ADAMTS16: variants seen among roughly 807,000 people sequenced by gnomAD.
ADAMTS16 encodes A disintegrin and metalloproteinase with thrombospondin motifs 16.
In ADAMTS16, 94 loss-of-function variants were observed where a neutral mutation model predicts 145.8. The ratio of observed to expected loss-of-function variants is 0.64; its 90% CI spans 0.55 to 0.77. The LOEUF (loss-of-function observed/expected upper bound fraction) is 0.77. ADAMTS16 is among the 30% of genes least tolerant of loss of function. The pLI, the probability that ADAMTS16 is intolerant of heterozygous loss-of-function variation, is 0.00. For missense variants in ADAMTS16, 1,585 were observed against 1,591.5 expected (o/e 1.00, Z 0.07); for synonymous variants, 659 against 604.3 (o/e 1.09, Z -1.33).
At chr5:5,182,004 G>C (rs1735351185) in intron 3 of ADAMTS16, 40 bp from the exon 4 acceptor site, 2 of 1,571,310 alleles carry the variant, frequency 1.3e-6, no homozygotes, top group South Asian at 2.4e-5. Context: ...CAACCAGAAA[G>C]TCTAATTGTG....
At position 5,232,351 on chromosome 5, in the gene ADAMTS16, T is replaced by C; in HGVS notation, c.1702-17T>C. On this transcript the variant is annotated splice_polypyrimidine_tract_variant and intron_variant, in intron 11 of 22. Coordinates refer to ENST00000274181, the MANE Select transcript of ADAMTS16 (RefSeq NM_139056.4). ...TCTGTGTGAGTCAAGTCAACTTATT[T>C]ATGTTGAAAATTTTAGTGGTGCCGG... The C allele has an allele frequency of 6.2e-7, 1 of 1,613,978 alleles. No individual in the cohort carries two copies. Among genetic ancestry groups the C allele is most frequent in the Non-Finnish European group, 8.5e-7 (1 of 1,179,958 alleles).
At chr5:5,174,836 C>A (rs1301914102) in intron 3 of ADAMTS16, among the ~76,000 whole-genome samples, 3 of 152,142 alleles carry the variant, frequency 2.0e-5, no homozygotes, top group Non-Finnish European at 4.4e-5. Flanking sequence ...CTGATAGGTA[C>A]TGCCTGGCTG....
chr5:5,206,510 C>T (rs1296276782), intron 9 of ADAMTS16, among the ~76,000 whole-genome samples: 1 of 149,160 alleles, frequency 6.7e-6, no homozygotes, highest in Non-Finnish European at 1.5e-5. Context: ...AATGGAGTCT[C>T]ACTCTGTTAC....
At chr5:5,250,707 C>CTGTGTGTGTGTG (rs763835441) in intron 17 of ADAMTS16, among the ~76,000 whole-genome samples, 15,835 of 148,474 alleles carry the variant, frequency 0.11, 905 homozygotes, top group Non-Finnish European at 0.12. Flanking sequence ...TGTCTCTTCT[C>CTGTGTGTGTGTG]TCTGTGTGTG....
intron 17 of ADAMTS16, 134 bp downstream of exon 17, chr5:5,242,325 G>A: frequency 4.8e-6 from 6 of 1,237,964 alleles, no homozygotes; most frequent in Non-Finnish European, 6.5e-6. Flanking sequence ...CATTCCCAAG[G>A]TGGGGAGTGG....
chr5:5,183,590 G>A (rs1560938166), intron 4 of ADAMTS16, among the ~76,000 whole-genome samples: 2 of 152,240 alleles, frequency 1.3e-5, no homozygotes, highest in African/African-American at 2.4e-5. Context: ...AGACGCCACA[G>A]TGGACCTTGA....
intron 15 of ADAMTS16, 23 bp downstream of exon 15, chr5:5,239,297 C>T: frequency 6.6e-7 from 1 of 1,521,458 alleles, no homozygotes; most frequent in East Asian, 2.3e-5. Flanking sequence ...GAGCTGCCTG[C>T]AAGCCTTGGG....
rs1451835792 is a variant in ADAMTS16 at position 5,215,716 on chromosome 5, G to GGT, written c.1605+6471_1605+6472dup. ...CCATTACATATATATATATATATGT[G>GGT]GTATATATATATGTGGTATATATAT... On this transcript the variant is annotated intron_variant, in intron 10 of 22. Transcript: ENST00000274181. Among the ~76,000 whole-genome samples the GGT allele has an allele frequency of 6.2e-5, 6 of 96,596 alleles. No homozygotes were observed. The East Asian group carries it at 1.7e-3, about 27-fold the overall frequency. The allele number at this position is 96,596 out of a possible 152,430, so 63.4% of individuals were successfully genotyped here.
chr5:5,177,404 C>T (rs1301103565), intron 3 of ADAMTS16, among the ~76,000 whole-genome samples: 1 of 152,156 alleles, frequency 6.6e-6, no homozygotes, highest in Non-Finnish European at 1.5e-5. Flanking sequence ...ATATCAGCCC[C>T]GTTGTCCTTG....
At chr5:5,315,437 T>C (rs1734013898) in intron 21 of ADAMTS16, among the ~76,000 whole-genome samples, 1 of 132,608 alleles carries the variant, frequency 7.5e-6, no homozygotes, top group Non-Finnish European at 1.6e-5. Context: ...ATTTTGGAAC[T>C]GTTTAAATGA....
At chr5:5,252,561 A>G (rs973686558) in intron 17 of ADAMTS16, among the ~76,000 whole-genome samples, 5 of 151,946 alleles carry the variant, frequency 3.3e-5, no homozygotes, top group Admixed American at 6.6e-5. Flanking sequence ...TCATTAGCGG[A>G]CCGCCCCCCT....
At chr5:5,314,684 C>T (rs1331006372) in intron 21 of ADAMTS16, among the ~76,000 whole-genome samples, 1 of 152,188 alleles carries the variant, frequency 6.6e-6, no homozygotes. Flanking sequence ...AAGCTTTTCT[C>T]CCCATGGATT....
At chr5:5,250,418 T>C (rs1737585365) in intron 17 of ADAMTS16, among the ~76,000 whole-genome samples, 1 of 152,176 alleles carries the variant, frequency 6.6e-6, no homozygotes, top group Non-Finnish European at 1.5e-5. Flanking sequence ...TTTCAGGTTC[T>C]CCAACCAAGC....
intron 21 of ADAMTS16, among the ~76,000 whole-genome samples, chr5:5,309,766 T>C (rs746603578): frequency 2.6e-5 from 4 of 151,870 alleles, no homozygotes; most frequent in Non-Finnish European, 5.9e-5. Flanking sequence ...CCAAGCACAC[T>C]GCTGGTTTGG....
rs750653491 is a variant in ADAMTS16, at chr5:5,146,216, G to T, written c.262G>T (p.Ala88Ser). The T allele has an allele frequency of 3.1e-6, 5 of 1,614,060 alleles. No individual in the cohort carries two copies. The African/African-American group carries it at 6.7e-5, about 22-fold the overall frequency. The part of the protein sequence containing the change: ...EIMHHQRRRR[A>S]VPVSEVESLH... ...CATGCACCATCAGCGGCGGAGAAGA[G>T]CAGTGCCCGTGTCCGAGGTTGAGTC... Residue 88 changes from alanine (A) to serine (S), a missense_variant, in exon 3 of 23, where the codon GCA becomes TCA. This residue lies in a region of ADAMTS16 where 453 missense variants were observed against 412.1 expected (regional missense o/e 1.10). Coordinates refer to ENST00000274181, the MANE Select transcript of ADAMTS16 (RefSeq NM_139056.4).
At chr5:5,304,914 G>C (rs2126515382) in intron 20 of ADAMTS16, among the ~76,000 whole-genome samples, 1 of 151,784 alleles carries the variant, frequency 6.6e-6, no homozygotes, top group East Asian at 1.9e-4. Flanking sequence ...GCTGTGTCCA[G>C]GTAGAAAGTC....
At position 5,194,570 on chromosome 5, in the gene ADAMTS16, A is replaced by G. The variant is rs114693823; in HGVS notation, c.1313+2780A>G. On this transcript the variant is annotated intron_variant, in intron 8 of 22. Transcript: ENST00000274181. ...AACAGGTGAGGAGTAAACGTTTCAA[A>G]TGAATTGTTAGCTGTGACCACCACT... is the stretch of plus-strand genomic sequence containing the variant. Among the ~76,000 whole-genome samples the G allele has an allele frequency of 2.6e-3, 401 of 152,348 alleles. 4 individuals carry two copies. Among genetic ancestry groups the G allele is most frequent in the African/African-American group, 8.9e-3 (371 of 41,582 alleles).
Position 5,319,553 on chromosome 5 carries a change from C to T in ADAMTS16, c.*415C>T, listed in dbSNP as rs1360174910. 1 of 292,968 alleles carries T rather than the reference C, an allele frequency of 3.4e-6. No homozygotes were observed. Among genetic ancestry groups the T allele is most frequent in the African/African-American group, 2.3e-5 (1 of 44,404 alleles). 18.1% of individuals were successfully genotyped at this position (292,968 alleles called of 1,614,324 possible). On this transcript the variant is annotated 3_prime_UTR_variant, in exon 23 of 23. Transcript: ENST00000274181. Reference sequence around the variant, plus strand: ...ATAAGGAAAACATACAAAATATGTACCCCCTAGTTCACCAGCCTCCCCTCC... The same window carrying T: ...ATAAGGAAAACATACAAAATATGTATCCCCTAGTTCACCAGCCTCCCCTCC...
intron 11 of ADAMTS16, among the ~76,000 whole-genome samples, chr5:5,225,500 G>A (rs1736734233): frequency 6.6e-6 from 1 of 152,142 alleles, no homozygotes; most frequent in Admixed American, 6.5e-5. Context: ...CTGCTCGGGA[G>A]GCTGAGGCAG....
Sources: gnomAD v4.1 joint callset for allele counts (sites outside exome capture counted in the v4.1 genomes callset) on GRCh38, gnomAD v4.1.1 for gene constraint, gnomAD v4.1.1 regional missense constraint, MANE v1.5 for transcripts, NCBI Gene and HGNC (gene_info 2026-07-23, HGNC 2026-07-21) for gene names.